Variants in MAFB observed in about 807,000 individuals in gnomAD.
MAFB encodes MAF bZIP transcription factor B.
In MAFB, 3 loss-of-function variants were observed where a neutral mutation model predicts 17.7. The ratio of observed to expected loss-of-function variants is 0.17; its 90% CI spans 0.08 to 0.44. MAFB has a LOEUF of 0.44. Ranked by LOEUF, MAFB falls within the 20% of genes least tolerant of loss-of-function variation. The probability of loss-of-function intolerance (pLI) is 0.99; values close to 1 mark genes in which losing one functional copy is unlikely to be tolerated. For synonymous variants in MAFB, 214 were observed against 211.5 expected, an observed-to-expected ratio of 1.01 and a Z score of -0.10; for missense variants, 355 against 461.3, an observed-to-expected ratio of 0.77 and a Z score of 2.11.
At position 40,689,111 on chromosome 20, in the gene MAFB, G is replaced by A; in HGVS notation, c.-261C>T. The A allele has an allele frequency of 2.2e-6, 1 of 445,960 alleles. No individual in the cohort carries two copies. The highest frequency in any genetic ancestry group is 3.8e-6 in the Non-Finnish European group (1 of 260,014). 27.6% of individuals were successfully genotyped at this position (445,960 alleles called of 1,614,324 possible). A position where few individuals can be genotyped will look rare whatever the true frequency, so the allele number is the denominator to read the frequency against. ...GCCGGGTAGAGTCGGGCGGGGTGGA[G>A]AGGCAAGCGGAGCGCGCGGTGGGGC... On this transcript the variant is annotated 5_prime_UTR_variant, in exon 1 of 1. Transcript: ENST00000373313.
rs1345851468 is a variant in MAFB at position 40,687,931 on chromosome 20, C to G, written c.920G>C (p.Arg307Thr). The change falls in exon 1 of 1, where the codon AGG becomes ACG. Residue 307 changes from arginine to threonine, a missense_variant. Physicochemically the swap from Arg to Thr is moderately conservative, Grantham distance 71. Coordinates refer to ENST00000373313, the MANE Select transcript of MAFB (RefSeq NM_005461.5). ...GCTGTCGCTGGTGGAGCCCGCCTCC[C>G]TGAAGCCGGAGTTGGCGAGTTTCTC... is the stretch of plus-strand genomic sequence containing the variant. ...KCEKLANSGFREAGSTSDSPS... is the reference protein window; with the variant it reads ...KCEKLANSGFTEAGSTSDSPS... The G allele has an allele frequency of 1.2e-6, 2 of 1,613,402 alleles. No individual in the cohort carries two copies. Among genetic ancestry groups the G allele is most frequent in the African/African-American group, 2.7e-5 (2 of 74,950 alleles).
Position 40,688,840 on chromosome 20 carries a change from T to C in MAFB, c.11A>G (p.Glu4Gly), listed in dbSNP as rs745460952. The change falls in exon 1 of 1, where the codon GAG (glutamate) becomes GGG (glycine). Residue 4 changes from glutamate to glycine, a missense_variant. Glu to Gly is a moderately conservative substitution (Grantham distance 98). This residue lies in a region of MAFB where 285 missense variants were observed against 350.0 expected (regional missense o/e 0.81). Transcript: ENST00000373313. ...GGGCAGCTCTGGCCCCATGCTCAGC[T>C]CCGCGGCCATCGCTGAAGCGAGGCG... is the stretch of plus-strand genomic sequence containing the variant. MAAELSMGPELPTS... is the reference protein window; with the variant it reads MAAGLSMGPELPTS... The C allele has an allele frequency of 6.2e-7, 1 of 1,607,096 alleles. No homozygotes were observed. Among genetic ancestry groups the C allele is most frequent in the Non-Finnish European group, 8.5e-7 (1 of 1,176,808 alleles).
rs374174345 is a variant in MAFB at position 40,688,557 on chromosome 20, C to G, written c.294G>C (p.Glu98Asp). ...CGTCCTCGGGCGTCAGGTTGAGCGC[C>G]TCGGGGTTCATCTGCTGGTAGTTGC... ...MASNYQQMNPEALNLTPEDAV... is the reference protein window; with the variant it reads ...MASNYQQMNPDALNLTPEDAV... The change falls in exon 1 of 1, where the codon GAG (glutamate) becomes GAC (aspartate). Residue 98 changes from glutamate (E) to aspartate (D), a missense_variant. Physicochemically the swap from Glu to Asp is conservative, Grantham distance 45. Coordinates refer to ENST00000373313, the MANE Select transcript of MAFB (RefSeq NM_005461.5). 1.7e-5 allele frequency: 27 copies of G among 1,613,948 alleles called. No homozygotes were observed. The East Asian group carries it at 4.5e-4, about 27-fold the overall frequency.
rs2123042611 is a variant in MAFB, at chr20:40,687,693, G to A, written c.*186C>T. The stretch of plus-strand genomic sequence containing the variant: ...CGTGCGCTACTCTCGCCTTAGCCAA[G>A]GTCCCCTGCCCGCCCGCGCACCCGC... On this transcript the variant is annotated 3_prime_UTR_variant, in exon 1 of 1. Transcript: ENST00000373313. The A allele has an allele frequency of 1.4e-6, 1 of 696,986 alleles. No individual in the cohort carries two copies. The highest frequency in any genetic ancestry group is 2.4e-6 in the Non-Finnish European group (1 of 425,420). The allele number at this position is 696,986 out of a possible 1,614,324, so 43.2% of individuals were successfully genotyped here.
chr20:40,685,948 C>T lies in MAFB; in HGVS notation c.*1931G>A. 1 of 186,136 alleles carries T rather than the reference C, an allele frequency of 5.4e-6. No homozygotes were observed. The highest frequency in any genetic ancestry group is 8.7e-5 in the East Asian group (1 of 11,462). The allele number at this position is 186,136 out of a possible 1,614,324, so 11.5% of individuals were successfully genotyped here. A position where few individuals can be genotyped will look rare whatever the true frequency, so the allele number is the denominator to read the frequency against. The stretch of plus-strand genomic sequence containing the variant: ...CCAGTCTGAATAAAACTACAATAGA[C>T]TAGGTTTTAATATTTTCATATCATA... On this transcript the variant is annotated 3_prime_UTR_variant, in exon 1 of 1. Coordinates refer to ENST00000373313, the MANE Select transcript of MAFB (RefSeq NM_005461.5).
rs989626339 is a variant in MAFB, at chr20:40,688,995, G to A, written c.-145C>T. 5.8e-6 allele frequency: 7 copies of A among 1,196,952 alleles called. No homozygotes were observed. In the African/African-American group the frequency reaches 9.7e-5, roughly 17 times the overall value. The allele number at this position is 1,196,952 out of a possible 1,614,324, so 74.1% of individuals were successfully genotyped here. A position where few individuals can be genotyped will look rare whatever the true frequency, so the allele number is the denominator to read the frequency against. ...GCAGCGGGCCGGGGCCGCCGGCCAA[G>A]CCTTTGTCTGGGGACGCGGCGGCGC... On this transcript the variant is annotated 5_prime_UTR_variant, in exon 1 of 1. Transcript: ENST00000373313.
At position 40,689,002 on chromosome 20, in the gene MAFB, T is replaced by C; in HGVS notation, c.-152A>G. On this transcript the variant is annotated 5_prime_UTR_variant, in exon 1 of 1. Coordinates refer to ENST00000373313, the MANE Select transcript of MAFB (RefSeq NM_005461.5). ...GCCGGGGCCGCCGGCCAAGCCTTTG[T>C]CTGGGGACGCGGCGGCGCGCCGGAG... 8.9e-7 allele frequency: 1 copy of C among 1,129,548 alleles called. No individual in the cohort carries two copies. The highest frequency in any genetic ancestry group is 1.2e-6 in the Non-Finnish European group (1 of 857,438). The allele number at this position is 1,129,548 out of a possible 1,614,324, so 70.0% of individuals were successfully genotyped here. A position where few individuals can be genotyped will look rare whatever the true frequency, so the allele number is the denominator to read the frequency against.
chr20:40,688,505 G>T lies in MAFB; in HGVS notation c.346C>A (p.Pro116Thr). The T allele has an allele frequency of 6.2e-7, 1 of 1,612,796 alleles. No individual in the cohort carries two copies. The highest frequency in any genetic ancestry group is 1.3e-5 in the African/African-American group (1 of 75,070). The stretch of plus-strand genomic sequence containing the variant: ...AAGCTTTGCAGCGGCTGTGGCACTG[G>T]GTGCGAGCCGATGAGCGCTTCCACC... The part of the protein sequence containing the change: ...DAVEALIGSH[P>T]VPQPLQSFDS... The change falls in exon 1 of 1, where the codon CCA (proline) becomes ACA (threonine). Residue 116 changes from proline (P) to threonine (T), a missense_variant. Pro to Thr is a conservative substitution (Grantham distance 38). Transcript: ENST00000373313.
chr20:40,686,152 G>A lies in MAFB; in HGVS notation c.*1727C>T. On this transcript the variant is annotated 3_prime_UTR_variant, in exon 1 of 1. Coordinates refer to ENST00000373313, the MANE Select transcript of MAFB (RefSeq NM_005461.5). ...CGGTTCATACAATCTTGTTATTACT[G>A]TTAATTTATCAACTAATACAAACTC... is the stretch of plus-strand genomic sequence containing the variant. The A allele has an allele frequency of 4.9e-6, 1 of 203,948 alleles. No individual in the cohort carries two copies. Among genetic ancestry groups the A allele is most frequent in the Non-Finnish European group, 1.0e-5 (1 of 99,228 alleles). 12.6% of individuals were successfully genotyped at this position (203,948 alleles called of 1,614,324 possible). A position where few individuals can be genotyped will look rare whatever the true frequency, so the allele number is the denominator to read the frequency against.
At position 40,686,803 on chromosome 20, in the gene MAFB, C is replaced by G. The variant is rs1007946405; in HGVS notation, c.*1076G>C. 11 of 398,552 alleles carry G rather than the reference C, an allele frequency of 2.8e-5. No individual in the cohort carries two copies. The highest frequency in any genetic ancestry group is 2.3e-4 in the African/African-American group (11 of 48,634). 24.7% of individuals were successfully genotyped at this position (398,552 alleles called of 1,614,324 possible). A position where few individuals can be genotyped will look rare whatever the true frequency, so the allele number is the denominator to read the frequency against. On this transcript the variant is annotated 3_prime_UTR_variant, in exon 1 of 1. Coordinates refer to ENST00000373313, the MANE Select transcript of MAFB (RefSeq NM_005461.5). ...CCTTGTACTGGGACCTCTCGGTTCT[C>G]TCTCTCAGCACCAACAAGGTTGAAA... is the stretch of plus-strand genomic sequence containing the variant.
Position 40,688,787 on chromosome 20 carries a change from T to G in MAFB, c.64A>C (p.Asn22His). ...TCGAACTTGAGCAGGTCGAAGTCGT[T>G]GACATACTCCATGGCCAGCGGGCTG... is the stretch of plus-strand genomic sequence containing the variant. Reference protein sequence around the residue: ...PTSPLAMEYVNDFDLLKFDVK... With the variant: ...PTSPLAMEYVHDFDLLKFDVK... The change falls in exon 1 of 1, where the codon AAC (asparagine) becomes CAC (histidine). Residue 22 changes from asparagine to histidine, a missense_variant. Around this residue, in one of 3 missense-constraint regions of MAFB, gnomAD observed 285 missense variants for 350.0 expected, o/e 0.81. Coordinates refer to ENST00000373313, the MANE Select transcript of MAFB (RefSeq NM_005461.5). 1 of 1,613,642 alleles carries G rather than the reference T, an allele frequency of 6.2e-7. No homozygotes were observed. Among genetic ancestry groups the G allele is most frequent in the Non-Finnish European group, 8.5e-7 (1 of 1,179,878 alleles).
Position 40,687,956 on chromosome 20 carries a change from C to G in MAFB, c.895G>C (p.Glu299Gln), listed in dbSNP as rs774066103. 3.1e-6 allele frequency: 5 copies of G among 1,613,958 alleles called. No homozygotes were observed. Among genetic ancestry groups the G allele is most frequent in the South Asian group, 1.1e-5 (1 of 91,084 alleles). The change falls in exon 1 of 1, where the codon GAG (glutamate) becomes CAG (glutamine). Residue 299 changes from glutamate (E) to glutamine (Q), a missense_variant. Physicochemically the swap from Glu to Gln is conservative, Grantham distance 29. Coordinates refer to ENST00000373313, the MANE Select transcript of MAFB (RefSeq NM_005461.5). ...RERDAYKVKC[E>Q]KLANSGFREA... Reference sequence around the variant, plus strand: ...CTGAAGCCGGAGTTGGCGAGTTTCTCGCACTTGACCTTGTAGGCGTCTCTC... The same window carrying G: ...CTGAAGCCGGAGTTGGCGAGTTTCTGGCACTTGACCTTGTAGGCGTCTCTC...
Position 40,687,969 on chromosome 20 carries a change from G to A in MAFB, c.882C>T (p.Tyr294=). Residue 294 remains tyrosine, a synonymous_variant, in exon 1 of 1, where the codon TAC becomes TAT. Transcript: ENST00000373313. ...VSRLARERDA[Y]KVKCEKLANS... is the part of the protein sequence containing the mutation. Reference sequence around the variant, plus strand: ...TGGCGAGTTTCTCGCACTTGACCTTGTAGGCGTCTCTCTCGCGGGCCAGCC... The same window carrying A: ...TGGCGAGTTTCTCGCACTTGACCTTATAGGCGTCTCTCTCGCGGGCCAGCC... 1 of 1,614,060 alleles carries A rather than the reference G, an allele frequency of 6.2e-7. No individual in the cohort carries two copies. The highest frequency in any genetic ancestry group is 8.5e-7 in the Non-Finnish European group (1 of 1,180,028).
In MAFB at chr20:40,689,108, G is replaced by A. The variant is rs941254444; in HGVS notation, c.-258C>T. 2 of 458,114 alleles carry A rather than the reference G, an allele frequency of 4.4e-6. No homozygotes were observed. Among genetic ancestry groups the A allele is most frequent in the Admixed American group, 4.5e-5 (1 of 22,220 alleles). 28.4% of individuals were successfully genotyped at this position (458,114 alleles called of 1,614,324 possible). A position where few individuals can be genotyped will look rare whatever the true frequency, so the allele number is the denominator to read the frequency against. Reference sequence around the variant, plus strand: ...CGGGCCGGGTAGAGTCGGGCGGGGTGGAGAGGCAAGCGGAGCGCGCGGTGG... The same window carrying A: ...CGGGCCGGGTAGAGTCGGGCGGGGTAGAGAGGCAAGCGGAGCGCGCGGTGG... On this transcript the variant is annotated 5_prime_UTR_variant, in exon 1 of 1. Transcript: ENST00000373313.
At position 40,689,118 on chromosome 20, in the gene MAFB, G is replaced by A; in HGVS notation, c.-268C>T. On this transcript the variant is annotated 5_prime_UTR_variant, in exon 1 of 1. Coordinates refer to ENST00000373313, the MANE Select transcript of MAFB (RefSeq NM_005461.5). ...AGAGTCGGGCGGGGTGGAGAGGCAA[G>A]CGGAGCGCGCGGTGGGGCTGAGGGG... 2.3e-6 allele frequency: 1 copy of A among 436,806 alleles called. No individual in the cohort carries two copies. Among genetic ancestry groups the A allele is most frequent in the Non-Finnish European group, 4.0e-6 (1 of 252,314 alleles). The allele number at this position is 436,806 out of a possible 1,614,324, so 27.1% of individuals were successfully genotyped here. A position where few individuals can be genotyped will look rare whatever the true frequency, so the allele number is the denominator to read the frequency against.
rs1235484198 is a variant in MAFB, at chr20:40,687,995, G to A, written c.856C>T (p.Arg286Trp). The change falls in exon 1 of 1, where the codon CGG becomes TGG. Residue 286 changes from arginine (R) to tryptophan (W), a missense_variant. This residue lies in a region of MAFB where 63 missense variants were observed against 69.4 expected (regional missense o/e 0.91). Coordinates refer to ENST00000373313, the MANE Select transcript of MAFB (RefSeq NM_005461.5). ...QVEQLKQEVS[R>W]LARERDAYKV... ...TAGGCGTCTCTCTCGCGGGCCAGCC[G>A]GGACACCTCCTGCTTAAGCTGCTCC... The A allele has an allele frequency of 1.9e-6, 3 of 1,614,158 alleles. No individual in the cohort carries two copies. Among genetic ancestry groups the A allele is most frequent in the East Asian group, 2.2e-5 (1 of 44,882 alleles).
Position 40,689,183 on chromosome 20 carries a change from CTTGCTCTT to C in MAFB, c.-341_-334del. ...TGCCCGTTGCTCGCTCTCTAGCTCT[CTTGCTCTT>C]ACGCTCTCTCGCTCGCAGCCGCTCG... On this transcript the variant is annotated 5_prime_UTR_variant, in exon 1 of 1. Coordinates refer to ENST00000373313, the MANE Select transcript of MAFB (RefSeq NM_005461.5). 2.8e-6 allele frequency: 1 copy of C among 353,598 alleles called. No homozygotes were observed. The highest frequency in any genetic ancestry group is 5.2e-6 in the Non-Finnish European group (1 of 194,128). The allele number at this position is 353,598 out of a possible 1,614,324, so 21.9% of individuals were successfully genotyped here.
At position 40,688,286 on chromosome 20, in the gene MAFB, C is replaced by T. The variant is rs1416365415; in HGVS notation, c.565G>A (p.Gly189Arg). Reference sequence around the variant, plus strand: ...GAGGCCGTCGCGTGCGGCCCGGGCCCGGGGTGGCTAGTGGGCAGCTGTTGC... The same window carrying T: ...GAGGCCGTCGCGTGCGGCCCGGGCCTGGGGTGGCTAGTGGGCAGCTGTTGC... ...PAQQLPTSHP[G>R]PGPHATASAT... Residue 189 changes from glycine (G) to arginine (R), a missense_variant, in exon 1 of 1, where the codon GGG becomes AGG. By Grantham distance (125) the Gly-to-Arg change is moderately radical. This residue lies in a region of MAFB where 285 missense variants were observed against 350.0 expected (regional missense o/e 0.81). Transcript: ENST00000373313. 2.7e-5 allele frequency: 42 copies of T among 1,541,326 alleles called. No homozygotes were observed. The highest frequency in any genetic ancestry group is 3.6e-5 in the Non-Finnish European group (42 of 1,151,146).
In MAFB at chr20:40,688,390, T is replaced by C; in HGVS notation, c.461A>G (p.Glu154Gly). ...AYPGAGVAHD[E>G]LGPHAHPHHH... ...GTGCGGGTGAGCGTGCGGGCCCAGC[T>C]CGTCGTGGGCCACGCCGGCGCCCGG... Residue 154 changes from glutamate (E) to glycine (G), a missense_variant, in exon 1 of 1, where the codon GAG (glutamate) becomes GGG (glycine). This residue lies in a region of MAFB where 285 missense variants were observed against 350.0 expected (regional missense o/e 0.81). Coordinates refer to ENST00000373313, the MANE Select transcript of MAFB (RefSeq NM_005461.5). 6.4e-7 allele frequency: 1 copy of C among 1,565,808 alleles called. No individual in the cohort carries two copies. The highest frequency in any genetic ancestry group is 8.6e-7 in the Non-Finnish European group (1 of 1,162,140).
Sources: allele counts gnomAD v4.1 joint callset, GRCh38; gene constraint gnomAD v4.1.1; regional missense constraint gnomAD v4.1.1; transcripts MANE v1.5; gene names NCBI Gene and HGNC (gene_info 2026-07-23, HGNC 2026-07-21).